ADCY10: variants seen among roughly 807,000 people sequenced by gnomAD.
ADCY10 encodes adenylate cyclase 10, also known as adenylate cyclase type 10.
ADCY10 carries 156 observed loss-of-function variants against 183.3 expected under a neutral mutation model. The ratio of observed to expected loss-of-function variants is 0.85; its 90% CI spans 0.75 to 0.97. The LOEUF (loss-of-function observed/expected upper bound fraction) is 0.97. Ranked by LOEUF, ADCY10 falls within the 50% of genes least tolerant of loss-of-function variation. The probability of loss-of-function intolerance (pLI) is 0.00; values close to 1 mark genes in which losing one functional copy is unlikely to be tolerated. For missense variants in ADCY10, 1,745 were observed against 1,934.3 expected, an observed-to-expected ratio of 0.90 and a Z score of 1.84; for synonymous variants, 645 against 670.0, an observed-to-expected ratio of 0.96 and a Z score of 0.58.
chr1:167,857,148 G>C (rs1178382514), intron 16 of ADCY10, among the ~76,000 whole-genome samples: 3 of 152,198 alleles, frequency 2.0e-5, no homozygotes, highest in Non-Finnish European at 4.4e-5. Context: ...TACGTAGCAG[G>C]CTCTGCCTTA....
chr1:167,850,317 G>C (rs768437326), intron 18 of ADCY10, among the ~76,000 whole-genome samples: 1 of 152,072 alleles, frequency 6.6e-6, no homozygotes, highest in African/African-American at 2.4e-5. Flanking sequence ...GTGGTTGAGC[G>C]GGAGGATAAT....
chr1:167,835,795 T>A (rs1291178184), intron 23 of ADCY10, among the ~76,000 whole-genome samples: 1 of 152,070 alleles, frequency 6.6e-6, no homozygotes, highest in East Asian at 1.9e-4. Flanking sequence ...GAGGCTGAAG[T>A]GGGAGGATGG....
At chr1:167,864,195 G>A (rs918775421) in intron 14 of ADCY10, among the ~76,000 whole-genome samples, 3 of 152,240 alleles carry the variant, frequency 2.0e-5, no homozygotes, top group East Asian at 3.9e-4. Flanking sequence ...CTTTTTACCC[G>A]TTCTTTGTTT....
chr1:167,900,455 C>T (rs541770329), intron 5 of ADCY10, among the ~76,000 whole-genome samples: 1 of 152,190 alleles, frequency 6.6e-6, no homozygotes, highest in Admixed American at 6.5e-5. Context: ...ACACATCAGA[C>T]TCCTTGGGTA....
chr1:167,868,536 C>T (rs1314899476), intron 14 of ADCY10, among the ~76,000 whole-genome samples: 2 of 151,998 alleles, frequency 1.3e-5, no homozygotes, highest in Non-Finnish European at 1.5e-5. Flanking sequence ...CCGTTTAAGC[C>T]CACCCAGAAT....
At chr1:167,893,993 A>C (rs754972970) in intron 7 of ADCY10, 52 bp from the exon 8 acceptor site, 2 of 1,290,036 alleles carry the variant, frequency 1.6e-6, no homozygotes, top group Admixed American at 3.4e-5. Flanking sequence ...TTGGCTCTGC[A>C]GTGCTAGTGA....
At chr1:167,842,678 GACA>G (rs1485201692) in intron 21 of ADCY10, among the ~76,000 whole-genome samples, 6 of 152,042 alleles carry the variant, frequency 3.9e-5, no homozygotes, top group African/African-American at 1.4e-4. Flanking sequence ...GTTTGTAATG[GACA>G]ACATTTACAT....
chr1:167,904,423 G>A (rs931673528), intron 2 of ADCY10, among the ~76,000 whole-genome samples: 4 of 152,052 alleles, frequency 2.6e-5, no homozygotes, highest in Admixed American at 6.6e-5. Context: ...TTCTTCTTAA[G>A]GATCTTTGTG....
Position 167,875,315 on chromosome 1 carries a change from C to A in ADCY10, c.1407-129G>T, listed in dbSNP as rs203826. ...TAACAAGAGTCTATCCCCTGACTCA[C>A]GGGTCGCAAACGCCAAAAGAAGGAG... On this transcript the variant is annotated intron_variant, in intron 12 of 32. Transcript: ENST00000367851. 266,332 of 924,788 alleles carry A rather than the reference C, an allele frequency of 0.29. 41,308 individuals carry two copies. Among genetic ancestry groups the A allele is most frequent in the African/African-American group, 0.5 (30,637 of 60,730 alleles). The allele number at this position is 924,788 out of a possible 1,614,324, so 57.3% of individuals were successfully genotyped here. A position where few individuals can be genotyped will look rare whatever the true frequency, so the allele number is the denominator to read the frequency against.
At chr1:167,902,562 C>T (rs1317139979) in intron 3 of ADCY10, among the ~76,000 whole-genome samples, 1 of 152,194 alleles carries the variant, frequency 6.6e-6, no homozygotes, top group Non-Finnish European at 1.5e-5. Context: ...GCCATTCTCT[C>T]TTTTAGTTAC....
At chr1:167,893,258 C>T (rs1215475710) in intron 8 of ADCY10, among the ~76,000 whole-genome samples, 3 of 152,132 alleles carry the variant, frequency 2.0e-5, no homozygotes, top group Non-Finnish European at 4.4e-5. Context: ...AGAAAGGGTG[C>T]CCGCATGTTC....
intron 26 of ADCY10, among the ~76,000 whole-genome samples, chr1:167,827,031 A>T (rs1256322033): frequency 2.6e-5 from 4 of 152,190 alleles, no homozygotes; most frequent in Non-Finnish European, 5.9e-5. Flanking sequence ...AAATTCACCA[A>T]AAGGAACTAA....
At chr1:167,890,074 C>T (rs1668489564) in intron 8 of ADCY10, among the ~76,000 whole-genome samples, 1 of 152,160 alleles carries the variant, frequency 6.6e-6, no homozygotes, top group Non-Finnish European at 1.5e-5. Context: ...TATTTAGTTC[C>T]TTTGGTGAGG....
intron 8 of ADCY10, among the ~76,000 whole-genome samples, chr1:167,893,261 G>A (rs1378236343): frequency 2.0e-5 from 3 of 152,150 alleles, no homozygotes; most frequent in Non-Finnish European, 4.4e-5. Context: ...AAGGGTGCCC[G>A]CATGTTCTTA....
At chr1:167,830,879 A>G (rs1663674466) in intron 25 of ADCY10, among the ~76,000 whole-genome samples, 1 of 152,178 alleles carries the variant, frequency 6.6e-6, no homozygotes, top group South Asian at 2.1e-4. Context: ...GGCGAATCAG[A>G]AACTCAAAAG....
chr1:167,821,498 A>G (rs1571217639), intron 30 of ADCY10, among the ~76,000 whole-genome samples: 1 of 152,192 alleles, frequency 6.6e-6, no homozygotes, highest in South Asian at 2.1e-4. Flanking sequence ...TGTGATACTG[A>G]TCTCTCTGCT....
In ADCY10 at chr1:167,896,591, T is replaced by C. The variant is rs749607037; in HGVS notation, c.739+4A>G. The C allele has an allele frequency of 1.4e-5, 22 of 1,605,682 alleles. No homozygotes were observed. The highest frequency in any genetic ancestry group is 1.9e-5 in the Non-Finnish European group (22 of 1,172,350). On this transcript the variant is annotated splice_donor_region_variant and intron_variant, in intron 7 of 32. Transcript: ENST00000367851. ...AAAGGCATTTTTCCATGGTGGGTAC[T>C]TACTTTTGTGCTCACCAGAAGGATA...
Position 167,834,220 on chromosome 1 carries a change from A to G in ADCY10, c.3310-143T>C, listed in dbSNP as rs1286875430. ...TCCACTTCCATCCCCAGCTCCACTG[A>G]TTAAAATGGGCTTCCAAATTCCAGA... On this transcript the variant is annotated intron_variant, in intron 23 of 32. Transcript: ENST00000367851. 4.3e-6 allele frequency: 3 copies of G among 703,742 alleles called. No homozygotes were observed. In the East Asian group the frequency reaches 8.1e-5, roughly 19 times the overall value. The allele number at this position is 703,742 out of a possible 1,614,324, so 43.6% of individuals were successfully genotyped here.
intron 9 of ADCY10, among the ~76,000 whole-genome samples, chr1:167,880,838 T>G (rs1009606017): frequency 6.6e-6 from 1 of 152,206 alleles, no homozygotes; most frequent in African/African-American, 2.4e-5. Flanking sequence ...ATATAGTGAA[T>G]AGGGCTGAGC....
Sources: gnomAD v4.1 joint callset for allele counts (sites outside exome capture counted in the v4.1 genomes callset) on GRCh38, gnomAD v4.1.1 for gene constraint, MANE v1.5 for transcripts, NCBI Gene and HGNC (gene_info 2026-07-23, HGNC 2026-07-21) for gene names.